Variants in ABCA8 observed in about 807,000 individuals in gnomAD.
ABCA8 encodes ABC-type organic anion transporter ABCA8.
A neutral mutation model predicts 192.3 loss-of-function variants in ABCA8; 177 were observed. That is an observed-to-expected ratio of 0.92 (90% CI 0.81 to 1.04). ABCA8 has a LOEUF of 1.04. Among genes scored for constraint, ABCA8 ranks in the 50% least tolerant of loss-of-function variants. The pLI, the probability that ABCA8 is intolerant of heterozygous loss-of-function variation, is 0.00. For synonymous variants in ABCA8, 642 were observed against 690.2 expected (o/e 0.93, Z 1.09); for missense variants, 1,915 against 1,904.8 (o/e 1.01, Z -0.10).
At position 68,929,066 on chromosome 17, in the gene ABCA8, T is replaced by G. The variant is rs752078070; in HGVS notation, c.1108A>C (p.Met370Leu). ...ILSLLSPFAF[M>L]LGMAQLLHLD... ...CATCTCACCTGGGCCATTCCAAGCA[T>G]GAAGGCAAAGGGACTAAGCAAGCTT... The change falls in exon 9 of 40, where the codon ATG becomes CTG. Residue 370 changes from methionine (M) to leucine (L), a missense_variant. Transcript: ENST00000586539. The G allele has an allele frequency of 1.1e-5, 18 of 1,572,384 alleles. No individual in the cohort carries two copies. The highest frequency in any genetic ancestry group is 1.6e-5 in the Non-Finnish European group (18 of 1,158,794).
chr17:68,875,359 T>G lies in ABCA8; in HGVS notation c.4532A>C (p.Lys1511Thr). ...SIQHLKSKFG[K>T]DYLLEMKVKN... ...CACCTTCATCTCCAGCAGGTAATCTTTGCCAAATTTGCTTTTCAGGTGTTG... is the reference window on the plus strand; with the variant it reads ...CACCTTCATCTCCAGCAGGTAATCTGTGCCAAATTTGCTTTTCAGGTGTTG... Residue 1511 changes from lysine to threonine, a missense_variant, in exon 37 of 40, where the codon AAA becomes ACA. Physicochemically the swap from Lys to Thr is moderately conservative, Grantham distance 78 (BLOSUM62 -1). Transcript: ENST00000586539. 1.2e-6 allele frequency: 2 copies of G among 1,614,172 alleles called. No individual in the cohort carries two copies. Among genetic ancestry groups the G allele is most frequent in the East Asian group, 4.5e-5 (2 of 44,892 alleles).
At chr17:68,948,998 A>C (rs781549377) in intron 2 of ABCA8, among the ~76,000 whole-genome samples, 1 of 152,144 alleles carries the variant, frequency 6.6e-6, no homozygotes, top group Non-Finnish European at 1.5e-5. Context: ...TTTAACAGGG[A>C]ATCCTTTCCA....
intron 24 of ABCA8, among the ~76,000 whole-genome samples, chr17:68,890,807 C>G (rs1412472953): frequency 1.3e-5 from 2 of 152,210 alleles, no homozygotes; most frequent in African/African-American, 4.8e-5. Context: ...GCGTGAGCCA[C>G]CAAGCTCGGC....
At chr17:68,869,058 G>T (rs1256206721) in intron 38 of ABCA8, among the ~76,000 whole-genome samples, 1 of 152,152 alleles carries the variant, frequency 6.6e-6, no homozygotes, top group Admixed American at 6.6e-5. Flanking sequence ...TAGCAAGTTA[G>T]ACAATTCCTC....
intron 37 of ABCA8, among the ~76,000 whole-genome samples, chr17:68,875,007 G>A (rs1275419205): frequency 6.6e-6 from 1 of 152,122 alleles, no homozygotes; most frequent in East Asian, 1.9e-4. Flanking sequence ...GAATAGCTAT[G>A]TCTACGGTGA....
intron 37 of ABCA8, among the ~76,000 whole-genome samples, chr17:68,875,021 G>C (rs1567817303): frequency 6.6e-6 from 1 of 152,110 alleles, no homozygotes; most frequent in Non-Finnish European, 1.5e-5. Context: ...ACGGTGAAAA[G>C]TCTCTGTAAG....
At chr17:68,951,352 T>G (rs1036126599) in intron 1 of ABCA8, among the ~76,000 whole-genome samples, 4 of 152,248 alleles carry the variant, frequency 2.6e-5, no homozygotes, top group African/African-American at 9.6e-5. Context: ...AGTAAGATAC[T>G]GCTTCTTTAA....
chr17:68,954,663 T>A (rs1041205172), intron 1 of ABCA8, among the ~76,000 whole-genome samples: 1 of 152,184 alleles, frequency 6.6e-6, no homozygotes, highest in Non-Finnish European at 1.5e-5. Context: ...ACATTCTGAT[T>A]CAACTCACTG....
At chr17:68,922,176 TA>T (rs2143633914) in intron 12 of ABCA8, 65 bp downstream of exon 12, 2 of 982,442 alleles carry the variant, frequency 2.0e-6, no homozygotes, top group East Asian at 7.8e-5. Context: ...ATATAACAAA[TA>T]TTTTCTTTCT....
intron 26 of ABCA8, among the ~76,000 whole-genome samples, chr17:68,885,698 C>T (rs780767365): frequency 6.6e-6 from 1 of 151,858 alleles, no homozygotes; most frequent in Non-Finnish European, 1.5e-5. Context: ...CAGGTGCATG[C>T]CAACATGCCC....
intron 17 of ABCA8, among the ~76,000 whole-genome samples, chr17:68,912,682 A>G (rs761539785): frequency 2.6e-5 from 4 of 152,228 alleles, no homozygotes; most frequent in Admixed American, 6.5e-5. Flanking sequence ...GGGTCAATTC[A>G]GCAAGAAGAT....
At chr17:68,920,770 A>T (rs1361106827) in intron 13 of ABCA8, among the ~76,000 whole-genome samples, 3 of 152,112 alleles carry the variant, frequency 2.0e-5, no homozygotes, top group Non-Finnish European at 4.4e-5. Flanking sequence ...AACGAGTTCA[A>T]CCATTGTGGA....
In ABCA8 at chr17:68,927,923, A is replaced by G; in HGVS notation, c.1266T>C (p.Ile422=). The G allele has an allele frequency of 1.3e-6, 2 of 1,597,030 alleles. No homozygotes were observed. Among genetic ancestry groups the G allele is most frequent in the Non-Finnish European group, 1.7e-6 (2 of 1,174,236 alleles). The change falls in exon 10 of 40, where the codon ATT becomes ATC. Residue 422 remains isoleucine (I), a synonymous_variant. Coordinates refer to ENST00000586539, the MANE Select transcript of ABCA8 (RefSeq NM_001288985.2). ...YLALAIYFEK[I]LPNEYGHRRP... ...AATCATATCATTACTCACTTGGCAA[A>G]ATTTTTTCAAAGTAAATCGCCAATG...
At chr17:68,945,417 C>A (rs1240884473) in intron 2 of ABCA8, among the ~76,000 whole-genome samples, 1 of 151,940 alleles carries the variant, frequency 6.6e-6, no homozygotes, top group East Asian at 1.9e-4. Flanking sequence ...TTGTCAATCT[C>A]TAATTTTCTT....
intron 21 of ABCA8, among the ~76,000 whole-genome samples, chr17:68,895,434 C>CCTT (rs1034918026): frequency 2.4e-4 from 36 of 152,102 alleles, no homozygotes; most frequent in African/African-American, 8.7e-4. Context: ...GCTCAGTAGA[C>CCTT]CTTCTCCCCA....
intron 28 of ABCA8, 50 bp from the exon 29 acceptor site, chr17:68,883,932 C>A: frequency 8.3e-7 from 1 of 1,198,976 alleles, no homozygotes; most frequent in Non-Finnish European, 1.2e-6. Flanking sequence ...GATAATTGTT[C>A]AATATCAAAG....
At chr17:68,903,094 A>G (rs917844606) in intron 20 of ABCA8, among the ~76,000 whole-genome samples, 3 of 152,186 alleles carry the variant, frequency 2.0e-5, no homozygotes, top group Admixed American at 2.0e-4. Context: ...CTTTTTGGCC[A>G]TTGGATATCC....
chr17:68,924,798 C>T lies in ABCA8; in HGVS notation c.1345G>A (p.Asp449Asn), dbSNP rs2067650605. ...SSFWSQTQKT[D>N]HVALEDEMDA... ...ATTTCATCTTCAAGGGCCACGTGAT[C>T]AGTCTTTTGTGTTTGAGACCAAAAT... Residue 449 changes from aspartate to asparagine, a missense_variant, in exon 11 of 40, where the codon GAT becomes AAT. Transcript: ENST00000586539. 6.2e-7 allele frequency: 1 copy of T among 1,614,108 alleles called. No homozygotes were observed. The highest frequency in any genetic ancestry group is 2.2e-5 in the East Asian group (1 of 44,868).
At chr17:68,920,601 T>C (rs78649773) in intron 13 of ABCA8, among the ~76,000 whole-genome samples, 2,436 of 152,340 alleles carry the variant, frequency 0.016, 16 homozygotes, top group Non-Finnish European at 0.024. Flanking sequence ...AATTCCATTT[T>C]TCCCTAGGTA....
Sources: allele counts gnomAD v4.1 joint callset (sites outside exome capture counted in the v4.1 genomes callset), GRCh38; gene constraint gnomAD v4.1.1; transcripts MANE v1.5; gene names NCBI Gene and HGNC (gene_info 2026-07-23, HGNC 2026-07-21).